Variants in CFAP46 observed in about 807,000 individuals in gnomAD.
CFAP46 encodes cilia- and flagella-associated protein 46.
A neutral mutation model predicts 325.7 loss-of-function variants in CFAP46; 245 were observed. That is an observed-to-expected ratio of 0.75 (90% CI 0.68 to 0.84). The LOEUF is 0.84. Among genes scored for constraint, CFAP46 ranks in the 40% least tolerant of loss-of-function variants. The pLI, the probability that CFAP46 is intolerant of heterozygous loss-of-function variation, is 0.00. For missense variants in CFAP46, 3,346 were observed against 3,543.0 expected (o/e 0.94, Z 1.41); for synonymous variants, 1,523 against 1,495.9 (o/e 1.02, Z -0.42).
At chr10:132,824,329 G>GA in intron 50 of CFAP46, among the ~76,000 whole-genome samples, 1 of 135,830 alleles carries the variant, frequency 7.4e-6, no homozygotes, top group East Asian at 2.4e-4. Context: ...GATGTGTGCT[G>GA]TGTGTGTGCT....
chr10:132,912,601 TCTC>T (rs1482077546), intron 19 of CFAP46, 51 bp downstream of exon 19: 4 of 1,419,686 alleles, frequency 2.8e-6, no homozygotes, highest in Middle Eastern at 1.8e-4. Context: ...CTCTCTCCTC[TCTC>T]CTCTCTCTCT....
chr10:132,820,939 ATGTGTGCTG>A (rs1344862573), intron 50 of CFAP46, among the ~76,000 whole-genome samples: 1 of 67,038 alleles, frequency 1.5e-5, no homozygotes, highest in East Asian at 4.9e-4. Flanking sequence ...GTGTGCGCTG[ATGTGTGCTG>A]TGTGTGCTGA....
In CFAP46 at chr10:132,808,687, G is replaced by C. The variant is rs767680272; in HGVS notation, c.7882C>G (p.Pro2628Ala). ...AAGGGGAGAGCGAGCTGGGAGCTGG[G>C]GATGGGAGCCGGGAGGTGGGGATGG... ...PTHPHLPAPI[P>A]SSQLALPFLG... The change falls in exon 58 of 58, where the codon CCC becomes GCC. Residue 2628 changes from proline (P) to alanine (A), a missense_variant. Coordinates refer to ENST00000368586, the MANE Select transcript of CFAP46 (RefSeq NM_001200049.3). The surrounding 1 kb of genome is among the most constrained non-coding windows in gnomAD (Gnocchi z 6.8). 3 of 1,574,758 alleles carry C rather than the reference G, an allele frequency of 1.9e-6. No individual in the cohort carries two copies. Among genetic ancestry groups the C allele is most frequent in the Non-Finnish European group, 1.7e-6 (2 of 1,160,104 alleles).
intron 40 of CFAP46, 43 bp downstream of exon 40, chr10:132,851,074 C>T (rs1446224254): frequency 6.2e-7 from 1 of 1,609,366 alleles, no homozygotes; most frequent in Non-Finnish European, 8.5e-7. Context: ...TGCACTGTGG[C>T]CTGGCGCTCC....
At chr10:132,924,542 G>A (rs1849777551) in intron 11 of CFAP46, among the ~76,000 whole-genome samples, 154 bp downstream of exon 11, 1 of 152,356 alleles carries the variant, frequency 6.6e-6, no homozygotes, top group South Asian at 2.1e-4. Context: ...GCCTGGCCCG[G>A]AGCTGGGACA....
chr10:132,812,745 G>A (rs529769109), intron 55 of CFAP46, 40 bp downstream of exon 55: 16 of 1,500,246 alleles, frequency 1.1e-5, no homozygotes, highest in African/African-American at 1.4e-5. Context: ...GGTTTGTCCT[G>A]TGCCCGCGGG....
At chr10:132,836,513 G>T (rs2135021729) in intron 45 of CFAP46, among the ~76,000 whole-genome samples, 1 of 152,370 alleles carries the variant, frequency 6.6e-6, no homozygotes, top group Middle Eastern at 3.4e-3. Context: ...AGCTGGAGAG[G>T]ACAGCTGTCC....
intron 10 of CFAP46, among the ~76,000 whole-genome samples, chr10:132,925,865 C>T (rs1014984980): frequency 6.6e-5 from 10 of 152,218 alleles, no homozygotes; most frequent in Admixed American, 1.3e-4. Context: ...CTGACCCGCA[C>T]GCCCCTGGCT....
In CFAP46 at chr10:132,924,767, C is replaced by T. The variant is rs1480333612; in HGVS notation, c.1185G>A (p.Leu395=). The T allele has an allele frequency of 6.5e-7, 1 of 1,535,796 alleles. No homozygotes were observed. The highest frequency in any genetic ancestry group is 8.8e-7 in the Non-Finnish European group (1 of 1,140,656). The part of the protein sequence containing the change: ...ATQWNTCLPL[L]QHNLRHHLRK... ...GCAGGTGGTGCCGCAGGTTGTGCTG[C>T]AGCAGGGGCAGGCAGGTGTTCCACT... Residue 395 remains leucine, a synonymous_variant, in exon 11 of 58, where the codon CTG becomes CTA. Coordinates refer to ENST00000368586, the MANE Select transcript of CFAP46 (RefSeq NM_001200049.3).
intron 22 of CFAP46, among the ~76,000 whole-genome samples, chr10:132,904,660 G>A (rs1849432780): frequency 6.6e-6 from 1 of 152,260 alleles, no homozygotes; most frequent in South Asian, 2.1e-4. Context: ...CACACTTGGG[G>A]AAGTAATTGT....
intron 7 of CFAP46, among the ~76,000 whole-genome samples, chr10:132,936,464 A>C (rs1210301471): frequency 2.3e-4 from 16 of 70,844 alleles, no homozygotes; most frequent in African/African-American, 3.4e-4. Context: ...TGATCTCCTC[A>C]CTCCCCTCGG....
At chr10:132,900,008 A>G (rs1849372397) in intron 22 of CFAP46, among the ~76,000 whole-genome samples, 1 of 152,212 alleles carries the variant, frequency 6.6e-6, no homozygotes, top group Admixed American at 6.5e-5. Flanking sequence ...GGGGACATCC[A>G]GCTAGTGGAC....
chr10:132,837,752 C>A (rs568840732), intron 44 of CFAP46, among the ~76,000 whole-genome samples: 2 of 139,180 alleles, frequency 1.4e-5, no homozygotes, highest in Non-Finnish European at 3.0e-5. Context: ...CAGATGCGCA[C>A]GGACACACAC....
In CFAP46 at chr10:132,865,987, C is replaced by T. The variant is rs1021368401; in HGVS notation, c.4890+38G>A. 2.1e-5 allele frequency: 31 copies of T among 1,456,196 alleles called. No individual in the cohort carries two copies. In the African/African-American group the frequency reaches 2.6e-4, roughly 12 times the overall value. The allele number at this position is 1,456,196 out of a possible 1,614,324, so 90.2% of individuals were successfully genotyped here. ...TCCACTGTGCACAGTGCGCTGGGAG[C>T]GGCTGTGGATGGTGATGGGCTGGGA... On this transcript the variant is annotated intron_variant, in intron 35 of 57. Transcript: ENST00000368586.
chr10:132,900,673 G>A (rs950245815), intron 22 of CFAP46, among the ~76,000 whole-genome samples: 4 of 152,370 alleles, frequency 2.6e-5, no homozygotes, highest in Non-Finnish European at 4.4e-5. Context: ...CTTCTAAGGC[G>A]GGCATGGCGA....
rs377680990 is a variant in CFAP46, at chr10:132,813,396, C to G, written c.7389-499G>C. The stretch of plus-strand genomic sequence containing the variant: ...CCTGCAGCCCCACCTCTGCACACAC[C>G]TGTCCCTGCACACACCTGCCCCTGC... On this transcript the variant is annotated intron_variant, in intron 54 of 57. Coordinates refer to ENST00000368586, the MANE Select transcript of CFAP46 (RefSeq NM_001200049.3). Among the ~76,000 whole-genome samples, 19 of 145,584 alleles carry G rather than the reference C, an allele frequency of 1.3e-4. No individual in the cohort carries two copies. The East Asian group carries it at 3.9e-3, about 30-fold the overall frequency.
intron 24 of CFAP46, among the ~76,000 whole-genome samples, chr10:132,896,437 T>C (rs188185320): frequency 2.6e-5 from 4 of 152,386 alleles, no homozygotes; most frequent in East Asian, 3.9e-4. Context: ...ATCCAGTCTA[T>C]GGTATTTTGT....
In CFAP46 at chr10:132,913,124, A is replaced by T. The variant is rs1849579822; in HGVS notation, c.2255T>A (p.Ile752Asn). ...VYVLNHNHHL[I>N]LAGRQKELVD... ...CAGCTCCTTCTGCCGCCCGGCCAGGATCAGGTGGTGGTTGTGGTTCAGGAC... is the reference window on the plus strand; with the variant it reads ...CAGCTCCTTCTGCCGCCCGGCCAGGTTCAGGTGGTGGTTGTGGTTCAGGAC... Residue 752 changes from isoleucine to asparagine, a missense_variant, in exon 18 of 58, where the codon ATC becomes AAC. Ile to Asn is a moderately radical substitution (Grantham distance 149, BLOSUM62 -3). Transcript: ENST00000368586. 6.5e-7 allele frequency: 1 copy of T among 1,550,286 alleles called. No individual in the cohort carries two copies. Among genetic ancestry groups the T allele is most frequent in the African/African-American group, 1.4e-5 (1 of 73,064 alleles).
Position 132,823,850 on chromosome 10 carries a change from TGCTGATGTGTGCTGTCTGTGC to T in CFAP46, c.7118-8957_7118-8937del, listed in dbSNP as rs1340834111. Among the ~76,000 whole-genome samples, 7 of 141,872 alleles carry T rather than the reference TGCTGATGTGTGCTGTCTGTGC, an allele frequency of 4.9e-5. No homozygotes were observed. In the East Asian group the frequency reaches 1.6e-3, roughly 32 times the overall value. 93.1% of individuals were successfully genotyped at this position (141,872 alleles called of 152,430 possible). A position where few individuals can be genotyped will look rare whatever the true frequency, so the allele number is the denominator to read the frequency against. ...TGATGTGTGCTGTATGTTGTGTGAG[TGCTGATGTGTGCTGTCTGTGC>T]GCTGATGTGCGCTGTCTGTGCGCTG... On this transcript the variant is annotated intron_variant, in intron 50 of 57. Transcript: ENST00000368586.
Sources: allele counts gnomAD v4.1 joint callset (sites outside exome capture counted in the v4.1 genomes callset), GRCh38; gene constraint gnomAD v4.1.1; non-coding constraint Gnocchi (gnomAD v3.1); transcripts MANE v1.5; gene names NCBI Gene and HGNC (gene_info 2026-07-23, HGNC 2026-07-21).